KANSL1: variants seen among roughly 807,000 people sequenced by gnomAD.
KANSL1 encodes the protein KAT8 regulatory NSL complex subunit 1.
A neutral mutation model predicts 103.6 loss-of-function variants in KANSL1; 22 were observed. The observed-to-expected ratio is 0.21, with a 90% CI of 0.15 to 0.30. The LOEUF (loss-of-function observed/expected upper bound fraction) is 0.30. KANSL1 is among the 10% of genes least tolerant of loss of function. The pLI is 1.00. For missense variants in KANSL1, 1,337 were observed against 1,399.8 expected (o/e 0.96, Z 0.72); for synonymous variants, 600 against 527.6 (o/e 1.14, Z -1.88).
chr17:46,112,758 G>A (rs564768544), intron 2 of KANSL1, among the ~76,000 whole-genome samples: 174 of 149,932 alleles, frequency 1.2e-3, no homozygotes, highest in African/African-American at 4.1e-3. Context: ...TGTCACTCTT[G>A]TTGCCCAGGC....
intron 7 of KANSL1, chr17:46,049,265 T>TG (rs2077625150): frequency 2.1e-5 from 3 of 144,164 alleles, no homozygotes; most frequent in Admixed American, 7.0e-5. Context: ...TTTTTTTTTT[T>TG]GAGACAGTCT....
intron 1 of KANSL1, among the ~76,000 whole-genome samples, chr17:46,190,276 T>G (rs1156657491): frequency 6.6e-6 from 1 of 152,242 alleles, no homozygotes; most frequent in Non-Finnish European, 1.5e-5. Flanking sequence ...TAAGGCCTAC[T>G]CATTTTCTAA....
chr17:46,031,500 T>A lies in KANSL1; in HGVS notation c.3294A>T (p.Thr1098=), dbSNP rs2077004818. Residue 1098 remains threonine, a synonymous_variant, in exon 15 of 15, where the codon ACA becomes ACT. Coordinates refer to ENST00000432791, the MANE Select transcript of KANSL1 (RefSeq NM_015443.4). ...LKSRHLVAAA[T]AQRPTHR is the part of the protein sequence containing the mutation. ...CTCATCTGTGAGTCGGGCGCTGAGCTGTGGCTGCTGCCACCAGATGCCGAC... is the reference window on the plus strand; with the variant it reads ...CTCATCTGTGAGTCGGGCGCTGAGCAGTGGCTGCTGCCACCAGATGCCGAC... 6.2e-7 allele frequency: 1 copy of A among 1,612,856 alleles called. No homozygotes were observed.
At chr17:46,151,097 G>A (rs2045073263) in intron 2 of KANSL1, among the ~76,000 whole-genome samples, 1 of 152,184 alleles carries the variant, frequency 6.6e-6, no homozygotes, top group South Asian at 2.1e-4. Context: ...TAAAAAGATG[G>A]AAGTCCAAGG....
At chr17:46,188,318 G>A (rs1468113682) in intron 1 of KANSL1, among the ~76,000 whole-genome samples, 1 of 152,252 alleles carries the variant, frequency 6.6e-6, no homozygotes, top group African/African-American at 2.4e-5. Context: ...CAGGGAATGG[G>A]AAGTACTGAT....
intron 2 of KANSL1, among the ~76,000 whole-genome samples, chr17:46,166,454 G>C (rs2046004766): frequency 6.6e-6 from 1 of 151,944 alleles, no homozygotes; most frequent in Non-Finnish European, 1.5e-5. Flanking sequence ...AGAGGTTGCA[G>C]TGAGCCAAGA....
chr17:46,044,103 C>T (rs41399444), intron 7 of KANSL1: 21,755 of 151,618 alleles, frequency 0.14, 2,125 homozygotes, highest in Middle Eastern at 0.22. Flanking sequence ...AGACTGGATA[C>T]GGGACCTGAA....
intron 6 of KANSL1, among the ~76,000 whole-genome samples, chr17:46,054,706 C>T (rs1315718306): frequency 6.6e-6 from 1 of 152,134 alleles, no homozygotes; most frequent in African/African-American, 2.4e-5. Context: ...GCTGACACTA[C>T]CAGTTACTCT....
intron 3 of KANSL1, among the ~76,000 whole-genome samples, chr17:46,084,019 C>T (rs954048831): frequency 1.3e-5 from 2 of 152,090 alleles, no homozygotes; most frequent in African/African-American, 2.4e-5. Flanking sequence ...ATCTCTTTTT[C>T]TCTTGAAGCA....
At chr17:46,216,701 A>G (rs1418358877) in intron 1 of KANSL1, among the ~76,000 whole-genome samples, 1 of 152,212 alleles carries the variant, frequency 6.6e-6, no homozygotes, top group Non-Finnish European at 1.5e-5. Context: ...TCATGCTATC[A>G]ATTTGCACCA....
chr17:46,059,884 A>C (rs938472067), intron 6 of KANSL1, among the ~76,000 whole-genome samples: 3 of 151,740 alleles, frequency 2.0e-5, no homozygotes, highest in Admixed American at 2.0e-4. Context: ...TGAGATGAAG[A>C]GATTGCACCA....
intron 2 of KANSL1, among the ~76,000 whole-genome samples, chr17:46,156,332 C>T (rs1459908885): frequency 1.3e-5 from 2 of 151,742 alleles, no homozygotes; most frequent in Non-Finnish European, 2.9e-5. Context: ...GGGCGACAGA[C>T]CGAGATTCTG....
rs543824543 is a variant in KANSL1, at chr17:46,193,362, C to G, written c.-629G>C. 1 of 158,280 alleles carries G rather than the reference C, an allele frequency of 6.3e-6. No homozygotes were observed. The highest frequency in any genetic ancestry group is 1.4e-5 in the Non-Finnish European group (1 of 73,524). The allele number at this position is 158,280 out of a possible 1,614,324, so 9.8% of individuals were successfully genotyped here. ...CGGCGAGCGGTGGCGGCGGTGGCGG[C>G]GGCACTGGGAAAATGGCGGCCGAGC... is the stretch of plus-strand genomic sequence containing the variant. On this transcript the variant is annotated 5_prime_UTR_variant, in exon 1 of 15. Coordinates refer to ENST00000432791, the MANE Select transcript of KANSL1 (RefSeq NM_015443.4).
chr17:46,162,109 T>C (rs1392985790), intron 2 of KANSL1, among the ~76,000 whole-genome samples: 6 of 152,236 alleles, frequency 3.9e-5, no homozygotes, highest in Non-Finnish European at 7.3e-5. Flanking sequence ...CTAAACCCCC[T>C]TGGTTTCAAA....
intron 6 of KANSL1, among the ~76,000 whole-genome samples, chr17:46,064,049 T>C (rs1305584744): frequency 5.6e-5 from 7 of 125,094 alleles, no homozygotes; most frequent in Non-Finnish European, 1.2e-4. Context: ...TATACGACTA[T>C]TAGTAAAAAA....
intron 1 of KANSL1, among the ~76,000 whole-genome samples, chr17:46,211,736 T>A (rs940249697): frequency 1.3e-5 from 2 of 152,250 alleles, no homozygotes; most frequent in African/African-American, 4.8e-5. Flanking sequence ...CGTATCAATA[T>A]GGTAAATACT....
chr17:46,151,445 C>G (rs2045096713), intron 2 of KANSL1, among the ~76,000 whole-genome samples: 2 of 152,204 alleles, frequency 1.3e-5, no homozygotes, highest in South Asian at 4.1e-4. Flanking sequence ...CCCTGACCAC[C>G]CTATTAATAT....
intron 4 of KANSL1, among the ~76,000 whole-genome samples, chr17:46,076,584 A>C: frequency 6.6e-6 from 1 of 151,706 alleles, no homozygotes; most frequent in Admixed American, 6.6e-5. Context: ...ATTGTTACCA[A>C]AAACAACACA....
intron 3 of KANSL1, among the ~76,000 whole-genome samples, chr17:46,087,035 CG>C (rs1568432461): frequency 1.3e-5 from 2 of 151,996 alleles, no homozygotes; most frequent in African/African-American, 4.8e-5. Flanking sequence ...CCCAAAGTGC[CG>C]GGTTGCAGGC....
Sources: gnomAD v4.1 joint callset for allele counts (sites outside exome capture counted in the v4.1 genomes callset) on GRCh38, gnomAD v4.1.1 for gene constraint, MANE v1.5 for transcripts, NCBI Gene and HGNC (gene_info 2026-07-23, HGNC 2026-07-21) for gene names.